PCDHGB1: variants seen among roughly 807,000 people sequenced by gnomAD.
The protein encoded by PCDHGB1 is protocadherin gamma-B1.
In PCDHGB1, 34 loss-of-function variants were observed where a neutral mutation model predicts 56.6. The ratio of observed to expected loss-of-function variants is 0.60; its 90% CI spans 0.46 to 0.80. PCDHGB1 has a LOEUF of 0.80. Among genes scored for constraint, PCDHGB1 ranks in the 30% least tolerant of loss-of-function variants. The probability of loss-of-function intolerance (pLI) is 0.00; values close to 1 mark genes in which losing one functional copy is unlikely to be tolerated. For missense variants in PCDHGB1, 1,278 were observed against 1,204.6 expected (o/e 1.06, Z -0.90); for synonymous variants, 561 against 505.9 (o/e 1.11, Z -1.46).
chr5:141,380,273 G>A (rs1174536963), intron 1 of PCDHGB1, among the ~76,000 whole-genome samples: 1 of 152,076 alleles, frequency 6.6e-6, no homozygotes, highest in Admixed American at 6.6e-5. Context: ...AAATCTCAGA[G>A]GAGAAACATT....
chr5:141,484,949 A>C, intron 1 of PCDHGB1: 1 of 557,400 alleles, frequency 1.8e-6, no homozygotes, highest in Non-Finnish European at 3.2e-6. Context: ...TGCTCAGCCT[A>C]TTGGCTGAGC....
intron 1 of PCDHGB1, chr5:141,404,805 C>G (rs770534822): frequency 1.3e-5 from 21 of 1,613,960 alleles, no homozygotes; most frequent in Non-Finnish European, 1.8e-5. Context: ...GGGCTCTTCT[C>G]GGTGGGGCTG....
Position 141,490,325 on chromosome 5 carries a change from G to A in PCDHGB1, c.2410-4482G>A. 1 of 1,614,236 alleles carries A rather than the reference G, an allele frequency of 6.2e-7. No individual in the cohort carries two copies. Among genetic ancestry groups the A allele is most frequent in the Non-Finnish European group, 8.5e-7 (1 of 1,180,038 alleles). On this transcript the variant is annotated intron_variant, in intron 1 of 3. Transcript: ENST00000523390. This position sits in a 1 kb window ranked among gnomAD's most constrained non-coding sequence, Gnocchi z 5.4. ...TCTTTGGCCAACCCTGTCCTAGAGA[G>A]CACACCAGTGGGCACAGTAGTGGGG...
rs992649031 is a variant in PCDHGB1 at position 141,387,128 on chromosome 5, G to C, written c.2409+34459G>C. On this transcript the variant is annotated intron_variant, in intron 1 of 3. Coordinates refer to ENST00000523390, the MANE Select transcript of PCDHGB1 (RefSeq NM_018922.3). ...ATAATATTCCTGTAATGAAATCACTGAAACTATTGGGAAGGGGGTGTATTT... is the reference window on the plus strand; with the variant it reads ...ATAATATTCCTGTAATGAAATCACTCAAACTATTGGGAAGGGGGTGTATTT... Among the ~76,000 whole-genome samples, 7 of 152,316 alleles carry C rather than the reference G, an allele frequency of 4.6e-5. No homozygotes were observed. The South Asian group carries it at 8.3e-4, about 18-fold the overall frequency.
rs776211508 is a variant in PCDHGB1, at chr5:141,491,001, C to T, written c.2410-3806C>T. On this transcript the variant is annotated intron_variant, in intron 1 of 3. Transcript: ENST00000523390. The surrounding 1 kb of genome is among the most constrained non-coding windows in gnomAD (Gnocchi z 6.9). The stretch of plus-strand genomic sequence containing the variant: ...TCCCTCGCTCTGCTCCTCCTGGCTC[C>T]TTGGTCACCAAGGTGACAGCCGTGG... The T allele has an allele frequency of 6.2e-7, 1 of 1,614,140 alleles. No individual in the cohort carries two copies. Among genetic ancestry groups the T allele is most frequent in the Non-Finnish European group, 8.5e-7 (1 of 1,180,044 alleles).
intron 2 of PCDHGB1, among the ~76,000 whole-genome samples, chr5:141,501,301 ACAC>A (rs1380901086): frequency 6.6e-6 from 1 of 150,882 alleles, no homozygotes; most frequent in African/African-American, 2.4e-5. Context: ...ACACACACAC[ACAC>A]ACACACACAC....
chr5:141,361,118 C>G (rs749515160), intron 1 of PCDHGB1: 32 of 1,613,888 alleles, frequency 2.0e-5, no homozygotes, highest in Non-Finnish European at 8.5e-7. Context: ...GGAGATCTAG[C>G]AGCCCACTGC....
At chr5:141,360,693 A>T (rs951041324) in intron 1 of PCDHGB1, 1 of 1,613,908 alleles carries the variant, frequency 6.2e-7, no homozygotes, top group Non-Finnish European at 8.5e-7. Flanking sequence ...AACAGACTCC[A>T]GATGGTCGTA....
At chr5:141,419,053 T>C in intron 1 of PCDHGB1, 1 of 1,613,954 alleles carries the variant, frequency 6.2e-7, no homozygotes, top group South Asian at 1.1e-5. Context: ...ATTCTTCTTC[T>C]AATAATTACT....
chr5:141,478,623 G>A, intron 1 of PCDHGB1: 2 of 1,554,358 alleles, frequency 1.3e-6, no homozygotes, highest in Non-Finnish European at 1.7e-6. Flanking sequence ...GAATGGAGCT[G>A]TTTTTTTAGT....
rs1467261705 is a variant in PCDHGB1, at chr5:141,417,640, C to G, written c.2409+64971C>G. 6.6e-6 allele frequency: 5 copies of G among 761,360 alleles called. No homozygotes were observed. The African/African-American group carries it at 8.8e-5, about 13-fold the overall frequency. 47.2% of individuals were successfully genotyped at this position (761,360 alleles called of 1,614,324 possible). A position where few individuals can be genotyped will look rare whatever the true frequency, so the allele number is the denominator to read the frequency against. On this transcript the variant is annotated intron_variant, in intron 1 of 3. Coordinates refer to ENST00000523390, the MANE Select transcript of PCDHGB1 (RefSeq NM_018922.3). ...AGAGCAAGCGCTGACGCCGGGGATC[C>G]CTCAGCCTCTAGCCTGGGATTCCCT...
intron 1 of PCDHGB1, among the ~76,000 whole-genome samples, chr5:141,353,645 C>G (rs1267233696): frequency 6.6e-6 from 1 of 152,156 alleles, no homozygotes; most frequent in Non-Finnish European, 1.5e-5. Flanking sequence ...TATTTTGTCT[C>G]TATTAAAACA....
intron 1 of PCDHGB1, chr5:141,360,285 C>T: frequency 1.2e-6 from 2 of 1,613,972 alleles, no homozygotes; most frequent in Non-Finnish European, 1.7e-6. Context: ...TAGGAAACCT[C>T]GCCAAGGATC....
intron 1 of PCDHGB1, among the ~76,000 whole-genome samples, chr5:141,448,146 C>G (rs1375402473): frequency 6.6e-6 from 1 of 151,942 alleles, no homozygotes; most frequent in Non-Finnish European, 1.5e-5. Flanking sequence ...ATACCTCAGA[C>G]TCACCCCTGA....
intron 1 of PCDHGB1, chr5:141,392,627 G>T: frequency 1.7e-6 from 1 of 584,572 alleles, no homozygotes; most frequent in Non-Finnish European, 2.9e-6. Flanking sequence ...AAAACACTCA[G>T]ATCTCACACC....
At chr5:141,376,108 G>A (rs368739165) in intron 1 of PCDHGB1, 172 of 1,613,770 alleles carry the variant, frequency 1.1e-4, no homozygotes, top group Middle Eastern at 1.0e-3. Context: ...TGGCCGACCT[G>A]GGCAGCCTCG....
chr5:141,502,487 C>A (rs563658817), intron 2 of PCDHGB1, among the ~76,000 whole-genome samples: 1 of 152,182 alleles, frequency 6.6e-6, no homozygotes, highest in Non-Finnish European at 1.5e-5. Context: ...CACACTGGGA[C>A]TCATCTAACG....
At chr5:141,389,463 G>A (rs1201903320) in intron 1 of PCDHGB1, 7 of 1,613,192 alleles carry the variant, frequency 4.3e-6, no homozygotes, top group South Asian at 1.1e-5. Context: ...GCGCGCCTTC[G>A]AACTCACACT....
chr5:141,499,261 GT>G (rs2099790689), intron 2 of PCDHGB1, among the ~76,000 whole-genome samples: 1 of 152,022 alleles, frequency 6.6e-6, no homozygotes, highest in South Asian at 2.1e-4. Context: ...TCTCCATTTG[GT>G]CCCTAGACTG....
Sources: allele counts gnomAD v4.1 joint callset (sites outside exome capture counted in the v4.1 genomes callset), GRCh38; gene constraint gnomAD v4.1.1; non-coding constraint Gnocchi (gnomAD v3.1); transcripts MANE v1.5; gene names NCBI Gene and HGNC (gene_info 2026-07-23, HGNC 2026-07-21).